Variants in SLC16A5 observed in about 807,000 individuals in gnomAD.
SLC16A5 encodes monocarboxylate transporter 6.
Under a neutral mutation model 33.2 loss-of-function variants are expected in SLC16A5, and 29 were observed. The observed-to-expected ratio is 0.87, with a 90% CI of 0.65 to 1.19. The LOEUF (loss-of-function observed/expected upper bound fraction) is 1.19, where lower values mean the gene tolerates loss of function less well. SLC16A5 is among the 50% of genes most tolerant of loss of function. The pLI is 0.00. For synonymous variants in SLC16A5, 248 were observed against 284.1 expected (o/e 0.87, Z 1.28); for missense variants, 606 against 678.2 (o/e 0.89, Z 1.18).
chr17:75,110,005 G>C (rs1402216303), downstream of SLC16A5: 1 of 372,212 alleles, frequency 2.7e-6, no homozygotes, highest in Non-Finnish European at 4.9e-6. Flanking sequence ...GTGCGCCAGT[G>C]CCCCCTCCGC....
chr17:75,105,593 C>T, intron 6 of SLC16A5: 1 of 985,374 alleles, frequency 1.0e-6, no homozygotes, highest in Non-Finnish European at 1.2e-6. Context: ...TCCCTGAAGT[C>T]ACCACCCAGG....
rs1289918903 is a variant in SLC16A5, at chr17:75,093,729, C to G, written c.93C>G (p.Pro31=). 3 of 1,614,184 alleles carry G rather than the reference C, an allele frequency of 1.9e-6. No individual in the cohort carries two copies. Among genetic ancestry groups the G allele is most frequent in the Non-Finnish European group, 2.5e-6 (3 of 1,180,018 alleles). The stretch of plus-strand genomic sequence containing the variant: ...CCCAGGGCCTCACCCTGGGCTTCCC[C>G]ACGTGTATCGGCATCTTCTTCACTG... ...MVTQGLTLGF[P]TCIGIFFTEL... is the part of the protein sequence containing the mutation. Residue 31 remains proline, a synonymous_variant, in exon 3 of 7, where the codon CCC becomes CCG. Coordinates refer to ENST00000329783, the MANE Select transcript of SLC16A5 (RefSeq NM_004695.4).
At chr17:75,102,636 C>T (rs546132608) in intron 5 of SLC16A5, among the ~76,000 whole-genome samples, 8 of 152,242 alleles carry the variant, frequency 5.3e-5, no homozygotes, top group South Asian at 2.1e-4. Context: ...CAACACAAGG[C>T]GGCGGTTATT....
chr17:75,094,250 C>T (rs1196937668), intron 3 of SLC16A5, among the ~76,000 whole-genome samples: 1 of 152,224 alleles, frequency 6.6e-6, no homozygotes, highest in Non-Finnish European at 1.5e-5. Flanking sequence ...TGCCCAGCTC[C>T]CACATGGAAT....
chr17:75,093,794 C>T lies in SLC16A5; in HGVS notation c.158C>T (p.Ser53Phe), dbSNP rs375442826. ...WEFQASNSET[S>F]WFPSILTAVL... ...TTCCAGGCCAGCAACAGCGAGACCT[C>T]TTGGTTCCCCTCCATCCTCACGGCT... Residue 53 changes from serine to phenylalanine, a missense_variant, in exon 3 of 7, where the codon TCT becomes TTT. By Grantham distance (155) the Ser-to-Phe change is radical (BLOSUM62 -2). Coordinates refer to ENST00000329783, the MANE Select transcript of SLC16A5 (RefSeq NM_004695.4). 5.0e-6 allele frequency: 8 copies of T among 1,614,060 alleles called. No homozygotes were observed. The African/African-American group carries it at 1.1e-4, about 22-fold the overall frequency.
intron 6 of SLC16A5, chr17:75,105,525 C>T (rs1319421967): frequency 8.1e-6 from 8 of 985,274 alleles, no homozygotes; most frequent in African/African-American, 7.0e-5. Flanking sequence ...GCTCCCCGTA[C>T]ACCTGTGCCT....
rs112649804 is a variant in SLC16A5, at chr17:75,090,614, C to T, written c.-49+1310C>T. On this transcript the variant is annotated intron_variant, in intron 2 of 6. Transcript: ENST00000329783. ...TAGCTGCGACTACAGGCGAGCCCCA[C>T]CACGCCCGGCTAATTATTGTATTTT... Among the ~76,000 whole-genome samples the T allele has an allele frequency of 1.7e-3, 261 of 152,118 alleles. 1 individual carries two copies. The highest frequency in any genetic ancestry group is 1.2e-3 in the Non-Finnish European group (80 of 68,006).
downstream of SLC16A5, chr17:75,109,965 G>A: frequency 3.4e-6 from 1 of 298,104 alleles, no homozygotes; most frequent in South Asian, 4.6e-5. This position sits in a 1 kb window ranked among gnomAD's most constrained non-coding sequence, Gnocchi z 5.0. Context: ...TCCGCCGGGA[G>A]CCCGGAACCG....
chr17:75,094,712 G>A (rs1376460965), intron 3 of SLC16A5, among the ~76,000 whole-genome samples: 4 of 149,970 alleles, frequency 2.7e-5, no homozygotes, highest in Non-Finnish European at 5.9e-5. Context: ...CCAGGAACAA[G>A]AGGGGGACAA....
At chr17:75,093,396 G>C (rs1439820825) in intron 2 of SLC16A5, 193 bp from the exon 3 acceptor site, 4 of 1,535,582 alleles carry the variant, frequency 2.6e-6, no homozygotes, top group Non-Finnish European at 3.5e-6. Flanking sequence ...GGCTGGCTCT[G>C]GGAAGTGGGT....
chr17:75,097,977 TCTC>T (rs10598249), intron 3 of SLC16A5, 58 bp from the exon 4 acceptor site: 577,476 of 1,533,056 alleles, frequency 0.38, 111,185 homozygotes, highest in African/African-American at 0.53. Context: ...CTCCAGCCAC[TCTC>T]CTCCTCTCCC....
rs754179106 is a variant in SLC16A5 at position 75,103,922 on chromosome 17, TG to T, written c.1154-42del. The stretch of plus-strand genomic sequence containing the variant: ...GCTGTCAGGGAACACACAGCTGAGT[TG>T]GGGGGAGGCCTGGTAGCACTGGCCT... On this transcript the variant is annotated intron_variant, in intron 5 of 6. Transcript: ENST00000329783. 70 of 1,552,380 alleles carry T rather than the reference TG, an allele frequency of 4.5e-5. No individual in the cohort carries two copies. The Middle Eastern group carries it at 3.5e-3, about 78-fold the overall frequency.
chr17:75,094,725 C>A (rs1313081656), intron 3 of SLC16A5, among the ~76,000 whole-genome samples: 1 of 150,770 alleles, frequency 6.6e-6, no homozygotes, highest in Non-Finnish European at 1.5e-5. Context: ...GGGGACAAGG[C>A]AGGAGCCCCA....
intron 3 of SLC16A5, among the ~76,000 whole-genome samples, chr17:75,096,660 A>G (rs1293601605): frequency 6.7e-6 from 1 of 149,720 alleles, no homozygotes; most frequent in Non-Finnish European, 1.5e-5. Context: ...CCTCCCTAGT[A>G]GCTTGGAATT....
Position 75,104,474 on chromosome 17 carries a change from C to T in SLC16A5, c.1364+294C>T, listed in dbSNP as rs182983749. 118 of 1,152,392 alleles carry T rather than the reference C, an allele frequency of 1.0e-4. No homozygotes were observed. The African/African-American group carries it at 1.7e-3, about 16-fold the overall frequency. The allele number at this position is 1,152,392 out of a possible 1,614,324, so 71.4% of individuals were successfully genotyped here. A position where few individuals can be genotyped will look rare whatever the true frequency, so the allele number is the denominator to read the frequency against. On this transcript the variant is annotated intron_variant, in intron 6 of 6. Coordinates refer to ENST00000329783, the MANE Select transcript of SLC16A5 (RefSeq NM_004695.4). The stretch of plus-strand genomic sequence containing the variant: ...CACTCTTGTTGCCCAGGCTGGAGTG[C>T]AGTGGCACCATCTCGGCTCACTGCA...
At position 75,100,595 on chromosome 17, in the gene SLC16A5, C is replaced by T; in HGVS notation, c.932C>T (p.Ala311Val). Residue 311 changes from alanine (A) to valine (V), a missense_variant, in exon 5 of 7, where the codon GCA (alanine) becomes GTA (valine). Coordinates refer to ENST00000329783, the MANE Select transcript of SLC16A5 (RefSeq NM_004695.4). ...CACCGCAAGTACCTGTTCAGCCTGGCACTCCTGCTCAATGGGCTCACTAAC... is the reference window on the plus strand; with the variant it reads ...CACCGCAAGTACCTGTTCAGCCTGGTACTCCTGCTCAATGGGCTCACTAAC... ...ASHRKYLFSL[A>V]LLLNGLTNLV... is the part of the protein sequence containing the mutation. 1 of 1,614,260 alleles carries T rather than the reference C, an allele frequency of 6.2e-7. No homozygotes were observed. The highest frequency in any genetic ancestry group is 1.3e-5 in the African/African-American group (1 of 75,064).
chr17:75,091,455 T>A (rs1308303502), intron 2 of SLC16A5, among the ~76,000 whole-genome samples: 1 of 152,022 alleles, frequency 6.6e-6, no homozygotes, highest in Admixed American at 6.6e-5. Context: ...GGGCAAGCAG[T>A]GCTCCGCCTT....
At chr17:75,097,380 C>G (rs2073733855) in intron 3 of SLC16A5, among the ~76,000 whole-genome samples, 1 of 152,108 alleles carries the variant, frequency 6.6e-6, no homozygotes, top group Admixed American at 6.6e-5. Flanking sequence ...AAGGAACAGG[C>G]CCCCCTCCAC....
chr17:75,093,789 G>A lies in SLC16A5; in HGVS notation c.153G>A (p.Glu51=). Reference sequence around the variant, plus strand: ...GGGAGTTCCAGGCCAGCAACAGCGAGACCTCTTGGTTCCCCTCCATCCTCA... The same window carrying A: ...GGGAGTTCCAGGCCAGCAACAGCGAAACCTCTTGGTTCCCCTCCATCCTCA... ...LQWEFQASNS[E]TSWFPSILTA... Residue 51 remains glutamate, a synonymous_variant, in exon 3 of 7, where the codon GAG becomes GAA. Transcript: ENST00000329783. 1 of 1,614,180 alleles carries A rather than the reference G, an allele frequency of 6.2e-7. No homozygotes were observed. The highest frequency in any genetic ancestry group is 8.5e-7 in the Non-Finnish European group (1 of 1,180,010).
Sources: gnomAD v4.1 joint callset for allele counts (sites outside exome capture counted in the v4.1 genomes callset) on GRCh38, gnomAD v4.1.1 for gene constraint, Gnocchi (gnomAD v3.1) non-coding constraint, MANE v1.5 for transcripts, NCBI Gene and HGNC (gene_info 2026-07-23, HGNC 2026-07-21) for gene names.